The following RTF2 variants were observed in gnomAD, a reference collection of about 807,000 sequenced individuals.
The protein encoded by RTF2 is UPF0549 protein C20orf43.
A neutral mutation model predicts 38.0 loss-of-function variants in RTF2; 18 were observed. The ratio of observed to expected loss-of-function variants is 0.47; its 90% CI spans 0.33 to 0.70. The LOEUF (loss-of-function observed/expected upper bound fraction) is 0.70. RTF2 is among the 30% of genes least tolerant of loss of function. The pLI is 0.02. For missense variants in RTF2, 311 were observed against 379.6 expected (o/e 0.82, Z 1.50); for synonymous variants, 126 against 137.1 (o/e 0.92, Z 0.57).
chr20:56,474,455 G>T (rs895061585), intron 2 of RTF2, among the ~76,000 whole-genome samples: 1 of 152,106 alleles, frequency 6.6e-6, no homozygotes, highest in Non-Finnish European at 1.5e-5. Context: ...CACTCCAGCC[G>T]GGGTGACAAG....
At chr20:56,512,551 T>G (rs1984741916) in intron 5 of RTF2, among the ~76,000 whole-genome samples, 1 of 152,114 alleles carries the variant, frequency 6.6e-6, no homozygotes, top group Non-Finnish European at 1.5e-5. Context: ...ATGTGTGCGT[T>G]TCTACCACCA....
intron 5 of RTF2, among the ~76,000 whole-genome samples, chr20:56,488,966 TC>T (rs1289033721): frequency 2.6e-5 from 4 of 152,174 alleles, no homozygotes; most frequent in African/African-American, 7.2e-5. Flanking sequence ...TCCATTGCTG[TC>T]CCCACTCTCC....
intron 5 of RTF2, among the ~76,000 whole-genome samples, chr20:56,493,063 C>T (rs1983273901): frequency 6.6e-6 from 1 of 152,086 alleles, no homozygotes; most frequent in South Asian, 2.1e-4. Flanking sequence ...GTAATCCCAG[C>T]CACTCAGGAG....
At chr20:56,496,994 A>T in intron 5 of RTF2, 6 of 1,551,864 alleles carry the variant, frequency 3.9e-6, no homozygotes, top group African/African-American at 2.7e-5. Flanking sequence ...AATCCTGTCC[A>T]CAAAGATTGA....
intron 5 of RTF2, chr20:56,495,352 A>AGCACAGAAGAACTT: frequency 1.5e-6 from 2 of 1,327,862 alleles, no homozygotes; most frequent in South Asian, 1.3e-5. Flanking sequence ...CAGTTCTTTT[A>AGCACAGAAGAACTT]GTACAAGTTC....
intron 4 of RTF2, among the ~76,000 whole-genome samples, chr20:56,482,093 C>G (rs1463701069): frequency 6.6e-6 from 1 of 152,124 alleles, no homozygotes; most frequent in Non-Finnish European, 1.5e-5. Flanking sequence ...GTGAATTGAG[C>G]TTTGCTTATT....
At chr20:56,501,137 C>T (rs1983904303) in intron 5 of RTF2, among the ~76,000 whole-genome samples, 1 of 152,044 alleles carries the variant, frequency 6.6e-6, no homozygotes, top group Admixed American at 6.6e-5. Flanking sequence ...CTGTTGCTGT[C>T]ACTTGAACAT....
At chr20:56,517,045 C>T in intron 7 of RTF2, 56 bp downstream of exon 7, 5 of 1,607,466 alleles carry the variant, frequency 3.1e-6, no homozygotes, top group Non-Finnish European at 4.3e-6. Flanking sequence ...GGGCAGTCTG[C>T]TAATATGTTC....
intron 5 of RTF2, among the ~76,000 whole-genome samples, chr20:56,503,315 GT>G (rs1338561664): frequency 6.6e-6 from 1 of 152,158 alleles, no homozygotes; most frequent in Non-Finnish European, 1.5e-5. Context: ...CCTAAAACAT[GT>G]ATAAATTATT....
At chr20:56,510,216 A>C (rs927079881) in intron 5 of RTF2, among the ~76,000 whole-genome samples, 3 of 152,192 alleles carry the variant, frequency 2.0e-5, no homozygotes, top group African/African-American at 7.2e-5. Flanking sequence ...TGAACTCTAT[A>C]CTTCATTATG....
Position 56,477,134 on chromosome 20 carries a change from G to A in RTF2, c.398+10G>A, listed in dbSNP as rs373362341. ...TGAACGGCCGACACAGGTTAGTGAC[G>A]GACCTGGGACAGATGATGTGGGAGG... On this transcript the variant is annotated intron_variant, in intron 4 of 8. Transcript: ENST00000357348. 45 of 1,612,112 alleles carry A rather than the reference G, an allele frequency of 2.8e-5. No individual in the cohort carries two copies. The highest frequency in any genetic ancestry group is 1.7e-4 in the African/African-American group (13 of 74,852).
intron 4 of RTF2, among the ~76,000 whole-genome samples, chr20:56,478,296 C>T (rs188556804): frequency 6.6e-6 from 1 of 152,242 alleles, no homozygotes; most frequent in East Asian, 1.9e-4. Context: ...AGAGACCAGC[C>T]TGGGTAACAT....
intron 5 of RTF2, among the ~76,000 whole-genome samples, chr20:56,503,154 CTCTT>C (rs1049558755): frequency 2.0e-5 from 3 of 152,214 alleles, no homozygotes; most frequent in African/African-American, 4.8e-5. Context: ...AATGTGGTGT[CTCTT>C]TCTCTCTGAG....
intron 5 of RTF2, among the ~76,000 whole-genome samples, chr20:56,488,130 G>A (rs760934971): frequency 3.9e-5 from 6 of 152,172 alleles, no homozygotes; most frequent in Non-Finnish European, 7.3e-5. Context: ...GGAGGCTGAG[G>A]TGGTTGGATC....
Position 56,491,673 on chromosome 20 carries a change from C to T in RTF2, c.477+7484C>T, listed in dbSNP as rs963520945. ...CTGTGCCGCCGCTCTAAGCAGGTAA[C>T]CACAAGCGGGTCTGTCGAGGGTTCG... On this transcript the variant is annotated intron_variant, in intron 5 of 8. Transcript: ENST00000357348. The T allele has an allele frequency of 9.0e-6, 14 of 1,552,104 alleles. No individual in the cohort carries two copies. In the Admixed American group the frequency reaches 2.2e-4, roughly 24 times the overall value.
intron 3 of RTF2, among the ~76,000 whole-genome samples, chr20:56,476,330 A>G (rs1273342685): frequency 2.0e-5 from 3 of 152,208 alleles, no homozygotes; most frequent in Non-Finnish European, 4.4e-5. Context: ...GAGAGGATTC[A>G]TCACAGGGAG....
intron 5 of RTF2, among the ~76,000 whole-genome samples, chr20:56,510,533 T>C (rs1199725222): frequency 6.6e-6 from 1 of 152,204 alleles, no homozygotes; most frequent in Non-Finnish European, 1.5e-5. Context: ...AAGATGATAA[T>C]AGTAAGCTCA....
At position 56,497,547 on chromosome 20, in the gene RTF2, A is replaced by G. The variant is rs371728032; in HGVS notation, c.477+13358A>G. The stretch of plus-strand genomic sequence containing the variant: ...AGTTGGATTCCTTAAGTAAAGAAAA[A>G]TGAAGATGCAAATGACTGCCCTCAC... On this transcript the variant is annotated intron_variant, in intron 5 of 8. Transcript: ENST00000357348. 9.3e-6 allele frequency: 13 copies of G among 1,397,500 alleles called. No individual in the cohort carries two copies. The East Asian group carries it at 1.5e-4, about 17-fold the overall frequency. 86.6% of individuals were successfully genotyped at this position (1,397,500 alleles called of 1,614,324 possible).
At chr20:56,474,020 C>A (rs978756707) in intron 2 of RTF2, among the ~76,000 whole-genome samples, 8 of 152,132 alleles carry the variant, frequency 5.3e-5, no homozygotes, top group Admixed American at 3.3e-4. Context: ...TCAGTTCCAG[C>A]CAGTTTTTAC....
Sources: allele counts gnomAD v4.1 joint callset (sites outside exome capture counted in the v4.1 genomes callset), GRCh38; gene constraint gnomAD v4.1.1; transcripts MANE v1.5; gene names NCBI Gene and HGNC (gene_info 2026-07-23, HGNC 2026-07-21).